The following ATP2C1 variants were observed in gnomAD, a reference collection of about 807,000 sequenced individuals.
ATP2C1 encodes calcium-transporting ATPase type 2C member 1.
A neutral mutation model predicts 120.5 loss-of-function variants in ATP2C1; 31 were observed. The ratio of observed to expected loss-of-function variants is 0.26; its 90% CI spans 0.19 to 0.35. ATP2C1 has a LOEUF of 0.35. ATP2C1 is among the 10% of genes least tolerant of loss of function. The pLI, the probability that ATP2C1 is intolerant of heterozygous loss-of-function variation, is 1.00. For missense variants in ATP2C1, 731 were observed against 1,107.5 expected, an observed-to-expected ratio of 0.66 and a Z score of 4.83; for synonymous variants, 351 against 358.7, an observed-to-expected ratio of 0.98 and a Z score of 0.24.
In ATP2C1 at chr3:130,955,221, A is replaced by G. The variant is rs560491276; in HGVS notation, c.756+141A>G. 1.3e-3 allele frequency: 889 copies of G among 688,356 alleles called. 11 individuals carry two copies. Among genetic ancestry groups the G allele is most frequent in the South Asian group, 0.01 (623 of 59,786 alleles). 42.6% of individuals were successfully genotyped at this position (688,356 alleles called of 1,614,324 possible). ...AAATCAGTTGTCTCTGTTTAGAAAC[A>G]TAATTGGAAAGCCTGTAATTGAAAA... On this transcript the variant is annotated intron_variant, in intron 10 of 27. Coordinates refer to ENST00000510168, the MANE Select transcript of ATP2C1 (RefSeq NM_001378687.1).
At chr3:130,992,883 T>C in intron 20 of ATP2C1, 68 bp from the exon 21 acceptor site, 7 of 1,278,792 alleles carry the variant, frequency 5.5e-6, no homozygotes, top group South Asian at 3.6e-5. Context: ...TCATTAGTTA[T>C]GAATGCATGG....
At chr3:130,906,534 G>A (rs2058128250) in intron 2 of ATP2C1, among the ~76,000 whole-genome samples, 1 of 152,002 alleles carries the variant, frequency 6.6e-6, no homozygotes, top group African/African-American at 2.4e-5. Flanking sequence ...ATACTTAGGA[G>A]TAGAAGTGCT....
intron 1 of ATP2C1, among the ~76,000 whole-genome samples, chr3:130,861,218 G>A (rs1197728328): frequency 2.0e-5 from 3 of 152,242 alleles, no homozygotes; most frequent in Non-Finnish European, 4.4e-5. Flanking sequence ...GCAGTGAGCC[G>A]AGATCACGCC....
rs878866395 is a variant in ATP2C1 at position 130,918,709 on chromosome 3, G to A, written c.7-11707G>A. The A allele has an allele frequency of 1.1e-5, 5 of 453,620 alleles. No homozygotes were observed. In the Admixed American group the frequency reaches 1.1e-4, roughly 10 times the overall value. 28.1% of individuals were successfully genotyped at this position (453,620 alleles called of 1,614,324 possible). A position where few individuals can be genotyped will look rare whatever the true frequency, so the allele number is the denominator to read the frequency against. On this transcript the variant is annotated intron_variant, in intron 2 of 27. Coordinates refer to ENST00000510168, the MANE Select transcript of ATP2C1 (RefSeq NM_001378687.1). Reference sequence around the variant, plus strand: ...ATCATGCATAGAAAGCAGCAGCAGTGGGCCGGGCGCGGTGGCTCACGCCTG... The same window carrying A: ...ATCATGCATAGAAAGCAGCAGCAGTAGGCCGGGCGCGGTGGCTCACGCCTG...
chr3:130,888,139 G>A (rs2069041722), intron 1 of ATP2C1, among the ~76,000 whole-genome samples: 1 of 152,098 alleles, frequency 6.6e-6, no homozygotes, highest in Non-Finnish European at 1.5e-5. Flanking sequence ...ATGAGTTAGG[G>A]TCTAGCATGG....
At chr3:130,912,383 A>G (rs1055850416) in intron 2 of ATP2C1, among the ~76,000 whole-genome samples, 1 of 151,508 alleles carries the variant, frequency 6.6e-6, no homozygotes, top group African/African-American at 2.5e-5. Context: ...CAGAATCTAC[A>G]ATGAACTCAA....
intron 21 of ATP2C1, 81 bp from the exon 22 acceptor site, chr3:130,993,847 TAGGG>T (rs1214434098): frequency 6.6e-6 from 9 of 1,367,670 alleles, no homozygotes; most frequent in African/African-American, 4.3e-5. Flanking sequence ...GTGAAAAAAA[TAGGG>T]AGGATTTGTT....
intron 1 of ATP2C1, among the ~76,000 whole-genome samples, chr3:130,866,516 A>C (rs924147067): frequency 5.9e-5 from 9 of 152,214 alleles, no homozygotes; most frequent in Non-Finnish European, 1.3e-4. Flanking sequence ...ATTGTTCCAA[A>C]GGTCCTGACC....
At chr3:131,014,650 A>C (rs2063504738) in intron 26 of ATP2C1, among the ~76,000 whole-genome samples, 1 of 152,236 alleles carries the variant, frequency 6.6e-6, no homozygotes, top group Admixed American at 6.5e-5. Flanking sequence ...AGCTAGCCCC[A>C]GACTGAGCAG....
intron 7 of ATP2C1, among the ~76,000 whole-genome samples, chr3:130,940,905 A>ATTTTTTTTTTTTT (rs749879416): frequency 1.2e-5 from 1 of 86,072 alleles, no homozygotes; most frequent in Non-Finnish European, 2.2e-5. Context: ...TATTTAACAG[A>ATTTTTTTTTTTTT]TTTTTTTTTT....
In ATP2C1 at chr3:130,930,853, A is replaced by G. The variant is rs864072; in HGVS notation, c.117+327A>G. 0.037 allele frequency among the ~76,000 whole-genome samples: 5,559 copies of G among 152,240 alleles called. 159 individuals are homozygous for G. The highest frequency in any genetic ancestry group is 0.088 in the Middle Eastern group (26 of 294). ...AGCTCTAGAACATAATAGCTTTTCT[A>G]GGAACTATATTAGTGCTGTGTAAGG... On this transcript the variant is annotated intron_variant, in intron 3 of 27. Transcript: ENST00000510168.
At chr3:130,881,655 A>G (rs767297005) in intron 1 of ATP2C1, among the ~76,000 whole-genome samples, 50 of 152,238 alleles carry the variant, frequency 3.3e-4, no homozygotes, top group Non-Finnish European at 6.5e-4. Flanking sequence ...GGTAGCATGG[A>G]CATTTAAAAA....
chr3:130,963,887 T>A (rs2060936717), intron 12 of ATP2C1, 84 bp from the exon 13 acceptor site: 3 of 1,572,758 alleles, frequency 1.9e-6, no homozygotes, highest in African/African-American at 1.4e-5. Context: ...TGCGTTTTAT[T>A]AAGCTTTAAG....
chr3:130,936,216 A>T (rs2108398473), intron 5 of ATP2C1, among the ~76,000 whole-genome samples: 1 of 152,170 alleles, frequency 6.6e-6, no homozygotes, highest in African/African-American at 2.4e-5. Context: ...TTTTTTTTAA[A>T]AAAAAAATTG....
chr3:130,915,761 C>T (rs779169412), intron 2 of ATP2C1, among the ~76,000 whole-genome samples: 29 of 152,152 alleles, frequency 1.9e-4, no homozygotes, highest in Admixed American at 3.3e-4. Context: ...CTGGACCTGG[C>T]TTTTGCCTGC....
chr3:130,996,728 T>C lies in ATP2C1; in HGVS notation c.2175T>C (p.Phe725=). 1 of 1,613,396 alleles carries C rather than the reference T, an allele frequency of 6.2e-7. No individual in the cohort carries two copies. Among genetic ancestry groups the C allele is most frequent in the East Asian group, 2.2e-5 (1 of 44,842 alleles). The change falls in exon 24 of 28, where the codon TTT becomes TTC. Residue 725 remains phenylalanine, a synonymous_variant. Transcript: ENST00000510168. The stretch of plus-strand genomic sequence containing the variant: ...TCTCATTGGCTACATTAATGAACTT[T>C]CCTAATCCTCTCAATGCCATGCAGA... ...TLISLATLMN[F]PNPLNAMQIL... is the part of the protein sequence containing the mutation.
chr3:130,929,419 C>T (rs2059360680), intron 2 of ATP2C1, among the ~76,000 whole-genome samples: 1 of 152,092 alleles, frequency 6.6e-6, no homozygotes, highest in African/African-American at 2.4e-5. Flanking sequence ...ATTTCATTTG[C>T]TTAAAGATAC....
At chr3:130,907,624 A>G (rs922223555) in intron 2 of ATP2C1, among the ~76,000 whole-genome samples, 2 of 151,838 alleles carry the variant, frequency 1.3e-5, no homozygotes, top group African/African-American at 4.8e-5. Context: ...CTGTTGGTTT[A>G]TATGTCTTTG....
intron 14 of ATP2C1, 123 bp from the exon 15 acceptor site, chr3:130,967,022 C>A: frequency 1.2e-6 from 1 of 800,402 alleles, no homozygotes; most frequent in Non-Finnish European, 2.2e-6. Context: ...TAGGTGAACA[C>A]TTTTAACAGT....
Sources: allele counts gnomAD v4.1 joint callset (sites outside exome capture counted in the v4.1 genomes callset), GRCh38; gene constraint gnomAD v4.1.1; transcripts MANE v1.5; gene names NCBI Gene and HGNC (gene_info 2026-07-23, HGNC 2026-07-21).